CTNNBL1: variants seen among roughly 807,000 people sequenced by gnomAD.
The protein encoded by CTNNBL1 is catenin beta like 1, also known as beta-catenin-like protein 1.
CTNNBL1 carries 31 observed loss-of-function variants against 72.7 expected under a neutral mutation model. The observed-to-expected ratio is 0.43, with a 90% CI of 0.32 to 0.58. CTNNBL1 has a LOEUF of 0.58. Ranked by LOEUF, CTNNBL1 falls within the 20% of genes least tolerant of loss-of-function variation. The probability of loss-of-function intolerance (pLI) is 0.08; values close to 1 mark genes in which losing one functional copy is unlikely to be tolerated. For missense variants in CTNNBL1, 534 were observed against 725.1 expected (o/e 0.74, Z 3.03); for synonymous variants, 240 against 267.3 (o/e 0.90, Z 1.00).
At position 37,872,077 on chromosome 20, in the gene CTNNBL1, A is replaced by AGAGTTGTGTAG; in HGVS notation, c.*64_*65insGAGTTGTGTAG. 2 of 1,385,530 alleles carry AGAGTTGTGTAG rather than the reference A, an allele frequency of 1.4e-6. No individual in the cohort carries two copies. The highest frequency in any genetic ancestry group is 2.1e-6 in the Non-Finnish European group (2 of 973,070). The allele number at this position is 1,385,530 out of a possible 1,614,324, so 85.8% of individuals were successfully genotyped here. ...TCCCTCCCAGGATCAGTTTCTACAC[A>AGAGTTGTGTAG]ACTCTGTGTGGCTTTTGGACAAATT... On this transcript the variant is annotated 3_prime_UTR_variant, in exon 16 of 16. Coordinates refer to ENST00000361383, the MANE Select transcript of CTNNBL1 (RefSeq NM_030877.5).
At chr20:37,720,640 T>C (rs1481481889) in intron 1 of CTNNBL1, among the ~76,000 whole-genome samples, 12 of 152,228 alleles carry the variant, frequency 7.9e-5, no homozygotes, top group Admixed American at 7.9e-4. Flanking sequence ...CAGGAGGGTC[T>C]GTTGACAGCA....
Position 37,831,234 on chromosome 20 carries a change from T to C in CTNNBL1, c.1214-8868T>C, listed in dbSNP as rs192497475. Among the ~76,000 whole-genome samples, 23 of 152,330 alleles carry C rather than the reference T, an allele frequency of 1.5e-4. No individual in the cohort carries two copies. The East Asian group carries it at 4.2e-3, about 28-fold the overall frequency. ...CTCTTAACTTCCAGTGTGTAGCCAC[T>C]CCTACTCAGGCCCTCCTCTTTCCTA... On this transcript the variant is annotated intron_variant, in intron 11 of 15. Coordinates refer to ENST00000361383, the MANE Select transcript of CTNNBL1 (RefSeq NM_030877.5).
intron 10 of CTNNBL1, among the ~76,000 whole-genome samples, chr20:37,784,490 A>C (rs942721534): frequency 1.3e-5 from 2 of 152,134 alleles, no homozygotes; most frequent in South Asian, 4.1e-4. Flanking sequence ...TTGTTTGTGT[A>C]TCTGTTGCAT....
At chr20:37,844,279 C>T (rs568925375) in intron 13 of CTNNBL1, among the ~76,000 whole-genome samples, 2 of 152,176 alleles carry the variant, frequency 1.3e-5, no homozygotes, top group Admixed American at 1.3e-4. Flanking sequence ...TAAGAGCAAG[C>T]ACCACCTTTA....
chr20:37,820,657 C>T (rs570784523), intron 11 of CTNNBL1, among the ~76,000 whole-genome samples: 3 of 152,244 alleles, frequency 2.0e-5, no homozygotes, highest in African/African-American at 7.2e-5. Flanking sequence ...GTGGCGGCTT[C>T]CCCCACGCGC....
chr20:37,723,165 A>C lies in CTNNBL1; in HGVS notation c.31-9714A>C, dbSNP rs563736968. On this transcript the variant is annotated intron_variant, in intron 1 of 15. Coordinates refer to ENST00000361383, the MANE Select transcript of CTNNBL1 (RefSeq NM_030877.5). ...GTACTTCTAAAAAAGAAATCTATAC[A>C]CCCTTTGGTGGTGAGATGAATATAT... Among the ~76,000 whole-genome samples, 4 of 152,366 alleles carry C rather than the reference A, an allele frequency of 2.6e-5. No homozygotes were observed. The South Asian group carries it at 8.3e-4, about 32-fold the overall frequency.
intron 10 of CTNNBL1, among the ~76,000 whole-genome samples, chr20:37,787,632 C>T (rs1165085764): frequency 6.6e-6 from 1 of 152,230 alleles, no homozygotes; most frequent in Non-Finnish European, 1.5e-5. Context: ...GCGTGAGCCA[C>T]CGCGCCCGGC....
chr20:37,860,954 T>A (rs2072486427), intron 15 of CTNNBL1, among the ~76,000 whole-genome samples: 1 of 152,232 alleles, frequency 6.6e-6, no homozygotes, highest in South Asian at 2.1e-4. Flanking sequence ...AAAAACATAG[T>A]GTACATAGGT....
rs537677998 is a variant in CTNNBL1, at chr20:37,702,161, G to A, written c.30+8009G>A. 3.3e-5 allele frequency among the ~76,000 whole-genome samples: 5 copies of A among 152,270 alleles called. No individual in the cohort carries two copies. In the South Asian group the frequency reaches 6.2e-4, roughly 19 times the overall value. ...CTCCTAAAGTGCTGGGATTACAAGC[G>A]TGAGCCACTGTGGCTGGCCCCAGTT... is the stretch of plus-strand genomic sequence containing the variant. On this transcript the variant is annotated intron_variant, in intron 1 of 15. Coordinates refer to ENST00000361383, the MANE Select transcript of CTNNBL1 (RefSeq NM_030877.5).
chr20:37,704,431 T>C (rs2072868537), intron 1 of CTNNBL1, among the ~76,000 whole-genome samples: 1 of 152,110 alleles, frequency 6.6e-6, no homozygotes, highest in South Asian at 2.1e-4. Flanking sequence ...TAAAACTTTG[T>C]TGACAGGGTG....
chr20:37,703,151 G>A lies in CTNNBL1; in HGVS notation c.30+8999G>A, dbSNP rs1020660800. Among the ~76,000 whole-genome samples the A allele has an allele frequency of 4.6e-5, 7 of 152,204 alleles. 1 individual carries two copies. Among genetic ancestry groups the A allele is most frequent in the Admixed American group, 3.9e-4 (6 of 15,272 alleles). ...AAATTATAAAAATAGTAGAGTTTCC[G>A]TATATTCCTCATCCAGCTTCCCCTA... On this transcript the variant is annotated intron_variant, in intron 1 of 15. Transcript: ENST00000361383.
chr20:37,759,656 T>A (rs1490292577), intron 5 of CTNNBL1, among the ~76,000 whole-genome samples: 3 of 152,186 alleles, frequency 2.0e-5, no homozygotes, highest in Admixed American at 6.5e-5. Context: ...AGTTTAAGAT[T>A]TTGACTCTTA....
intron 10 of CTNNBL1, 47 bp from the exon 11 acceptor site, chr20:37,802,820 A>C: frequency 6.7e-7 from 1 of 1,484,300 alleles, no homozygotes; most frequent in Non-Finnish European, 9.2e-7. Context: ...TTTAAGCTCT[A>C]TAATTTCCCC....
At chr20:37,696,180 CAAGATTCTT>C (rs2072789781) in intron 1 of CTNNBL1, among the ~76,000 whole-genome samples, 1 of 152,086 alleles carries the variant, frequency 6.6e-6, no homozygotes, top group South Asian at 2.1e-4. Context: ...GAATAAAAGA[CAAGATTCTT>C]GCTTTTGTGG....
rs781152366 is a variant in CTNNBL1 at position 37,694,115 on chromosome 20, C to T, written c.-8C>T. 5.6e-6 allele frequency: 9 copies of T among 1,603,698 alleles called. No homozygotes were observed. The Admixed American group carries it at 6.8e-5, about 12-fold the overall frequency. On this transcript the variant is annotated 5_prime_UTR_variant, in exon 1 of 16. Coordinates refer to ENST00000361383, the MANE Select transcript of CTNNBL1 (RefSeq NM_030877.5). ...CAGGGAAGTGGAGTATTTGCTGGGCCGGGTACCATGGACGTGGGCGAACTT... is the reference window on the plus strand; with the variant it reads ...CAGGGAAGTGGAGTATTTGCTGGGCTGGGTACCATGGACGTGGGCGAACTT...
At chr20:37,854,380 T>C (rs973573207) in intron 13 of CTNNBL1, among the ~76,000 whole-genome samples, 3 of 151,884 alleles carry the variant, frequency 2.0e-5, no homozygotes, top group Middle Eastern at 3.2e-3. Context: ...TTTAATGTCT[T>C]CCTTTGTTCT....
At chr20:37,774,216 A>G (rs1238424756) in intron 7 of CTNNBL1, among the ~76,000 whole-genome samples, 1 of 152,104 alleles carries the variant, frequency 6.6e-6, no homozygotes, top group East Asian at 1.9e-4. Flanking sequence ...GCCTGGCCAC[A>G]TACATTATTT....
chr20:37,820,893 T>A (rs1294946436), intron 11 of CTNNBL1, among the ~76,000 whole-genome samples: 1 of 152,146 alleles, frequency 6.6e-6, no homozygotes, highest in Non-Finnish European at 1.5e-5. Context: ...ATGAATAAGA[T>A]CACGTGATTT....
chr20:37,824,318 C>T (rs1205444943), intron 11 of CTNNBL1, among the ~76,000 whole-genome samples: 1 of 152,230 alleles, frequency 6.6e-6, no homozygotes, highest in Non-Finnish European at 1.5e-5. Flanking sequence ...TCTGAGGAGA[C>T]CCTTGACAGT....
Sources: gnomAD v4.1 joint callset for allele counts (sites outside exome capture counted in the v4.1 genomes callset) on GRCh38, gnomAD v4.1.1 for gene constraint, MANE v1.5 for transcripts, NCBI Gene and HGNC (gene_info 2026-07-23, HGNC 2026-07-21) for gene names.